Variants in KLF12 observed in about 807,000 individuals in gnomAD.
KLF12 encodes Krueppel-like factor 12.
A neutral mutation model predicts 37.8 loss-of-function variants in KLF12; 9 were observed. The observed-to-expected ratio is 0.24, with a 90% CI of 0.14 to 0.42. KLF12 has a LOEUF of 0.42. Ranked by LOEUF, KLF12 falls within the 10% of genes least tolerant of loss-of-function variation. The pLI, the probability that KLF12 is intolerant of heterozygous loss-of-function variation, is 1.00. For synonymous variants in KLF12, 208 were observed against 202.1 expected, an observed-to-expected ratio of 1.03 and a Z score of -0.25; for missense variants, 411 against 516.0, an observed-to-expected ratio of 0.80 and a Z score of 1.97.
At chr13:74,294,237 C>T in the KLF12 span, among the ~76,000 whole-genome samples, 5 of 151,866 alleles carry the variant, frequency 3.3e-5, no homozygotes, top group African/African-American at 4.8e-5. Context: ...TTACATGCAC[C>T]GATTGTGTAG....
At chr13:74,219,007 G>A in the KLF12 span, among the ~76,000 whole-genome samples, 3 of 148,178 alleles carry the variant, frequency 2.0e-5, no homozygotes, top group Non-Finnish European at 4.4e-5. Flanking sequence ...TGTCACTCAG[G>A]CTGGAGGGCA....
chr13:74,128,058 T>C (rs917396527), intron 1 of KLF12, among the ~76,000 whole-genome samples: 1 of 152,242 alleles, frequency 6.6e-6, no homozygotes, highest in South Asian at 2.1e-4. Context: ...TCATCTTTAT[T>C]TTCAATTTTC....
the KLF12 span, among the ~76,000 whole-genome samples, chr13:74,198,726 A>C: frequency 6.6e-6 from 1 of 152,156 alleles, no homozygotes; most frequent in African/African-American, 2.4e-5. Flanking sequence ...TAGTTTGAGA[A>C]GTGTTATCCT....
chr13:73,895,060 G>C (rs542396102), intron 3 of KLF12, among the ~76,000 whole-genome samples: 2 of 152,166 alleles, frequency 1.3e-5, no homozygotes, highest in East Asian at 3.9e-4. Flanking sequence ...TTTCTTTCTT[G>C]CTGGGTATTT....
At chr13:74,133,020 C>A (rs1317201808) in intron 1 of KLF12, among the ~76,000 whole-genome samples, 1 of 152,186 alleles carries the variant, frequency 6.6e-6, no homozygotes, top group Non-Finnish European at 1.5e-5. Flanking sequence ...GGTGGACGTA[C>A]AAAGTTGCCC....
At chr13:74,004,816 T>TG (rs1892369463) in intron 1 of KLF12, among the ~76,000 whole-genome samples, 1 of 152,166 alleles carries the variant, frequency 6.6e-6, no homozygotes, top group South Asian at 2.1e-4. Context: ...ATTTAAGGTT[T>TG]GGGGGATTTT....
chr13:73,978,419 C>T (rs374050920), intron 2 of KLF12, among the ~76,000 whole-genome samples: 8 of 152,138 alleles, frequency 5.3e-5, no homozygotes, highest in South Asian at 2.1e-4. Context: ...TACAACACCA[C>T]GCTCAGAATA....
intron 3 of KLF12, among the ~76,000 whole-genome samples, chr13:73,925,213 A>C (rs1486769297): frequency 6.6e-6 from 1 of 152,252 alleles, no homozygotes; most frequent in Non-Finnish European, 1.5e-5. Flanking sequence ...TATTGGAAAA[A>C]GATGGCATCT....
the KLF12 span, among the ~76,000 whole-genome samples, chr13:74,152,757 G>A: frequency 2.6e-5 from 4 of 151,722 alleles, no homozygotes; most frequent in African/African-American, 7.3e-5. Flanking sequence ...TGGTGTGCAC[G>A]TCAGTAGTCC....
At chr13:73,729,705 A>C (rs541607653) in intron 6 of KLF12, among the ~76,000 whole-genome samples, 2 of 152,214 alleles carry the variant, frequency 1.3e-5, no homozygotes, top group Admixed American at 6.5e-5. Flanking sequence ...CCTGCTGAGA[A>C]AATCAGTAAC....
At chr13:73,796,523 G>GTGTGTGTGTT (rs1881979800) in intron 5 of KLF12, among the ~76,000 whole-genome samples, 1 of 148,196 alleles carries the variant, frequency 6.7e-6, no homozygotes, top group Non-Finnish European at 1.5e-5. Flanking sequence ...GTGTGTGTGT[G>GTGTGTGTGTT]TGTGTGTGTG....
At chr13:73,957,775 A>G (rs980228413) in intron 2 of KLF12, among the ~76,000 whole-genome samples, 5 of 152,222 alleles carry the variant, frequency 3.3e-5, no homozygotes, top group Non-Finnish European at 5.9e-5. Context: ...TGGTTGTTCC[A>G]TCTAGTTTCT....
At chr13:74,000,133 T>C (rs1246511122) in intron 1 of KLF12, among the ~76,000 whole-genome samples, 1 of 152,158 alleles carries the variant, frequency 6.6e-6, no homozygotes, top group Non-Finnish European at 1.5e-5. Context: ...ATAACGGGTA[T>C]TCAAGAAATG....
the KLF12 span, among the ~76,000 whole-genome samples, chr13:74,250,811 T>G: frequency 6.6e-6 from 1 of 152,208 alleles, no homozygotes; most frequent in Non-Finnish European, 1.5e-5. Flanking sequence ...AACCATTACA[T>G]GCATTAGTCA....
chr13:73,719,428 A>C (rs1876063488), intron 6 of KLF12, among the ~76,000 whole-genome samples: 1 of 151,846 alleles, frequency 6.6e-6, no homozygotes, highest in Non-Finnish European at 1.5e-5. Context: ...GCATTCAAAA[A>C]AAAAAAAAAG....
rs1566485673 is a variant in KLF12 at position 73,965,812 on chromosome 13, T to C, written c.34-21742A>G. Among the ~76,000 whole-genome samples, 3 of 152,210 alleles carry C rather than the reference T, an allele frequency of 2.0e-5. 1 individual carries two copies. The South Asian group carries it at 6.2e-4, about 31-fold the overall frequency. Reference sequence around the variant, plus strand: ...AGGTTATTAAGCCCCTATTATAACATGCTCTTCAAGCTACGAAATGACAAT... The same window carrying C: ...AGGTTATTAAGCCCCTATTATAACACGCTCTTCAAGCTACGAAATGACAAT... On this transcript the variant is annotated intron_variant, in intron 2 of 7. Transcript: ENST00000377669.
intron 2 of KLF12, among the ~76,000 whole-genome samples, chr13:73,953,970 C>CTTTTTTTTTTTTTT (rs67945624): frequency 1.1e-5 from 1 of 88,534 alleles, no homozygotes; most frequent in African/African-American, 4.4e-5. Context: ...TTTTTTCTTT[C>CTTTTTTTTTTTTTT]TTTTTTTTTT....
chr13:74,062,166 A>G (rs1441267684), intron 1 of KLF12, among the ~76,000 whole-genome samples: 3 of 151,974 alleles, frequency 2.0e-5, no homozygotes, highest in Admixed American at 2.0e-4. Context: ...CCCATGTTAA[A>G]GAGTGTCTGC....
chr13:73,827,200 A>C (rs1883897305), intron 4 of KLF12, among the ~76,000 whole-genome samples: 1 of 152,222 alleles, frequency 6.6e-6, no homozygotes. Context: ...TTAGTTATCT[A>C]TCCTTTTCGT....
Sources: gnomAD v4.1 joint callset for allele counts (sites outside exome capture counted in the v4.1 genomes callset) on GRCh38, gnomAD v4.1.1 for gene constraint, MANE v1.5 for transcripts, NCBI Gene and HGNC (gene_info 2026-07-23, HGNC 2026-07-21) for gene names.